GALNT17: variants seen among roughly 807,000 people sequenced by gnomAD.
The protein encoded by GALNT17 is UDP-GalNAc:polypeptide N-acetylgalactosaminyltransferase-like 3.
GALNT17 carries 29 observed loss-of-function variants against 63.7 expected under a neutral mutation model. That is an observed-to-expected ratio of 0.46 (90% CI 0.34 to 0.62). GALNT17 has a LOEUF of 0.62. GALNT17 is among the 20% of genes least tolerant of loss of function. The probability of loss-of-function intolerance (pLI) is 0.01; values close to 1 mark genes in which losing one functional copy is unlikely to be tolerated. For missense variants in GALNT17, 603 were observed against 799.6 expected, an observed-to-expected ratio of 0.75 and a Z score of 2.97; for synonymous variants, 305 against 318.3, an observed-to-expected ratio of 0.96 and a Z score of 0.45.
chr7:71,501,610 C>G (rs1161573464), intron 5 of GALNT17, among the ~76,000 whole-genome samples: 3 of 152,120 alleles, frequency 2.0e-5, no homozygotes, highest in African/African-American at 7.2e-5. Flanking sequence ...GATCTCAACC[C>G]TAGATGGGTC....
chr7:71,330,533 G>T (rs1247035391), intron 1 of GALNT17, among the ~76,000 whole-genome samples: 2 of 152,166 alleles, frequency 1.3e-5, no homozygotes, highest in African/African-American at 4.8e-5. Flanking sequence ...AAGGAGCTGG[G>T]ACTATAGGCA....
chr7:71,468,552 G>A (rs531653461), intron 5 of GALNT17, among the ~76,000 whole-genome samples: 138 of 152,216 alleles, frequency 9.1e-4, no homozygotes, highest in African/African-American at 3.2e-3. Context: ...GAGCAGCTGG[G>A]ATTATGGATG....
At chr7:71,434,912 C>T (rs553363727) in intron 5 of GALNT17, among the ~76,000 whole-genome samples, 223 of 152,272 alleles carry the variant, frequency 1.5e-3, no homozygotes, top group Admixed American at 2.7e-3. Flanking sequence ...AACAAAAACC[C>T]TCCACAAAAT....
intron 9 of GALNT17, among the ~76,000 whole-genome samples, chr7:71,686,296 G>A (rs775479984): frequency 1.3e-5 from 2 of 151,898 alleles, no homozygotes; most frequent in Non-Finnish European, 2.9e-5. Flanking sequence ...GTTTTAGCAA[G>A]CACATGTGAT....
In GALNT17 at chr7:71,288,141, G is replaced by A. The variant is rs1006448006; in HGVS notation, c.239-47409G>A. Among the ~76,000 whole-genome samples the A allele has an allele frequency of 5.4e-5, 8 of 148,034 alleles. 1 individual carries two copies. Among genetic ancestry groups the A allele is most frequent in the African/African-American group, 1.8e-4 (7 of 39,338 alleles). On this transcript the variant is annotated intron_variant, in intron 1 of 10. Transcript: ENST00000333538. ...TGAGGCAGGAGAATCACTTGAACCC[G>A]TGGGGTGGAGGTTGCAGTGAGCCAA... is the stretch of plus-strand genomic sequence containing the variant.
chr7:71,665,149 C>T (rs1790964996), intron 6 of GALNT17, among the ~76,000 whole-genome samples: 1 of 152,054 alleles, frequency 6.6e-6, no homozygotes, highest in South Asian at 2.1e-4. Flanking sequence ...GCTAACTTTT[C>T]TATCTTTAGT....
chr7:71,492,212 G>A (rs1788022806), intron 5 of GALNT17, among the ~76,000 whole-genome samples: 1 of 152,184 alleles, frequency 6.6e-6, no homozygotes, highest in Non-Finnish European at 1.5e-5. Context: ...CAGGGAGTCG[G>A]AGGTTGCAGT....
chr7:71,316,252 G>A (rs79571542), intron 1 of GALNT17, among the ~76,000 whole-genome samples: 27,982 of 85,910 alleles, frequency 0.33, 4,936 homozygotes, highest in South Asian at 0.37. Context: ...TGATCTGTGG[G>A]TCTGATCAGG....
At chr7:71,650,731 A>G (rs1584112891) in intron 6 of GALNT17, among the ~76,000 whole-genome samples, 2 of 152,350 alleles carry the variant, frequency 1.3e-5, no homozygotes, top group South Asian at 4.1e-4. Context: ...CAAAGAAATG[A>G]CAGTAGAAGG....
intron 9 of GALNT17, among the ~76,000 whole-genome samples, chr7:71,686,050 G>A (rs780980271): frequency 2.5e-4 from 35 of 140,882 alleles, no homozygotes; most frequent in African/African-American, 7.4e-4. Context: ...CGCCTCCTGC[G>A]TTCAAGCGAT....
chr7:71,345,132 T>C (rs1482675021), intron 2 of GALNT17, among the ~76,000 whole-genome samples: 2 of 146,804 alleles, frequency 1.4e-5, no homozygotes. Flanking sequence ...TGTTTTTTTT[T>C]TGTTGTTGTT....
chr7:71,399,763 T>C (rs1274346620), intron 3 of GALNT17, among the ~76,000 whole-genome samples: 1 of 152,164 alleles, frequency 6.6e-6, no homozygotes, highest in Non-Finnish European at 1.5e-5. Flanking sequence ...GGCTTTTTTT[T>C]CTCTGTATTC....
intron 5 of GALNT17, among the ~76,000 whole-genome samples, chr7:71,482,360 G>A (rs1413240366): frequency 6.6e-6 from 1 of 152,154 alleles, no homozygotes; most frequent in African/African-American, 2.4e-5. Flanking sequence ...ATGTTGGCCA[G>A]GCTGGCCTCC....
intron 2 of GALNT17, among the ~76,000 whole-genome samples, chr7:71,357,029 A>G (rs1230489482): frequency 6.6e-6 from 1 of 151,694 alleles, no homozygotes; most frequent in Non-Finnish European, 1.5e-5. Context: ...CAGGTGATCC[A>G]CCCTCCTCGG....
chr7:71,494,362 A>T (rs1393855183), intron 5 of GALNT17, among the ~76,000 whole-genome samples: 1 of 151,992 alleles, frequency 6.6e-6, no homozygotes, highest in Non-Finnish European at 1.5e-5. Flanking sequence ...GAGCCAAGTC[A>T]TATCACAGGG....
intron 5 of GALNT17, among the ~76,000 whole-genome samples, chr7:71,424,343 C>T (rs1441026967): frequency 6.6e-6 from 1 of 152,178 alleles, no homozygotes; most frequent in Non-Finnish European, 1.5e-5. Flanking sequence ...GACTGGCCTC[C>T]AGCCAGGACA....
chr7:71,452,735 G>A (rs747973305), intron 5 of GALNT17, among the ~76,000 whole-genome samples: 1 of 152,154 alleles, frequency 6.6e-6, no homozygotes, highest in Non-Finnish European at 1.5e-5. Flanking sequence ...GGGTGACTCT[G>A]TCTACTTTCT....
intron 1 of GALNT17, among the ~76,000 whole-genome samples, chr7:71,256,974 C>G (rs1562951985): frequency 6.6e-6 from 1 of 152,182 alleles, no homozygotes; most frequent in Non-Finnish European, 1.5e-5. Flanking sequence ...TAAAAGGACT[C>G]TCTCTCTCGC....
At chr7:71,643,575 G>A (rs1032455015) in intron 6 of GALNT17, among the ~76,000 whole-genome samples, 3 of 152,226 alleles carry the variant, frequency 2.0e-5, no homozygotes, top group Non-Finnish European at 2.9e-5. Flanking sequence ...CTGAGCCAGA[G>A]AGCAGAGAAA....
Sources: gnomAD v4.1 joint callset for allele counts (sites outside exome capture counted in the v4.1 genomes callset) on GRCh38, gnomAD v4.1.1 for gene constraint, MANE v1.5 for transcripts, NCBI Gene and HGNC (gene_info 2026-07-23, HGNC 2026-07-21) for gene names.